Variants in ACOX1 observed in about 807,000 individuals in gnomAD.
ACOX1 encodes the protein peroxisomal acyl-coenzyme A oxidase 1.
In ACOX1, 41 loss-of-function variants were observed where a neutral mutation model predicts 75.5. The observed-to-expected ratio is 0.54, with a 90% confidence interval of 0.42 to 0.70. The LOEUF is 0.70. Ranked by LOEUF, ACOX1 falls within the 30% of genes least tolerant of loss-of-function variation. The pLI, the probability that ACOX1 is intolerant of heterozygous loss-of-function variation, is 0.00. For synonymous variants in ACOX1, 303 were observed against 298.8 expected, an observed-to-expected ratio of 1.01 and a Z score of -0.15; for missense variants, 630 against 837.5, an observed-to-expected ratio of 0.75 and a Z score of 3.06.
intron 2 of ACOX1, among the ~76,000 whole-genome samples, chr17:75,971,464 G>A (rs1210109413): frequency 6.6e-6 from 1 of 151,876 alleles, no homozygotes; most frequent in Non-Finnish European, 1.5e-5. Context: ...AGGGCAGGCC[G>A]GGCGTGGTGA....
intron 2 of ACOX1, among the ~76,000 whole-genome samples, chr17:75,965,337 C>CAAAAAAAAAAAAAAAAAAAAAAAAAA (rs11293371): frequency 3.7e-5 from 3 of 81,712 alleles, no homozygotes; most frequent in Admixed American, 1.4e-4. Context: ...GACTCTGTCT[C>CAAAAAAAAAAAAAAAAAAAAAAAAAA]AAAAAAAAAA....
At chr17:75,951,109 G>A (rs977985681) in intron 8 of ACOX1, 145 bp from the exon 9 acceptor site, 9 of 928,966 alleles carry the variant, frequency 9.7e-6, no homozygotes, top group African/African-American at 3.3e-5. Context: ...ACAGCTGTCC[G>A]ACTGGCCAGA....
At chr17:75,951,163 G>A (rs936233438) in intron 8 of ACOX1, among the ~76,000 whole-genome samples, 199 bp from the exon 9 acceptor site, 6 of 152,092 alleles carry the variant, frequency 3.9e-5, no homozygotes, top group Non-Finnish European at 7.4e-5. Context: ...TGTTCTACTT[G>A]GCTAAACATT....
chr17:75,952,675 CA>C (rs1292983168), intron 7 of ACOX1, among the ~76,000 whole-genome samples: 1 of 151,506 alleles, frequency 6.6e-6, no homozygotes, highest in Admixed American at 6.6e-5. Context: ...ACTAAAAATA[CA>C]AAAATTAGCT....
chr17:75,974,401 T>G (rs1373001195), intron 2 of ACOX1, among the ~76,000 whole-genome samples: 1 of 152,192 alleles, frequency 6.6e-6, no homozygotes, highest in African/African-American at 2.4e-5. Flanking sequence ...CAATGGTCAA[T>G]GAACATTACT....
At chr17:75,949,929 A>T in intron 9 of ACOX1, 32 bp from the exon 10 acceptor site, 1 of 1,612,078 alleles carries the variant, frequency 6.2e-7, no homozygotes, top group Non-Finnish European at 8.5e-7. Flanking sequence ...GCTTTTAGTA[A>T]CTCTACTTTC....
intron 2 of ACOX1, among the ~76,000 whole-genome samples, chr17:75,975,472 CTA>C (rs1165146154): frequency 2.0e-5 from 3 of 152,162 alleles, no homozygotes; most frequent in African/African-American, 7.2e-5. Context: ...ATTGTCTTTT[CTA>C]TCTTACATAA....
chr17:75,977,798 C>A lies in ACOX1; in HGVS notation c.269+736G>T, dbSNP rs369353068. Among the ~76,000 whole-genome samples, 17 of 152,236 alleles carry A rather than the reference C, an allele frequency of 1.1e-4. No individual in the cohort carries two copies. In the East Asian group the frequency reaches 1.2e-3, roughly 10 times the overall value. On this transcript the variant is annotated intron_variant, in intron 2 of 13. Coordinates refer to ENST00000293217, the MANE Select transcript of ACOX1 (RefSeq NM_004035.7). ...GGTCCACACTACCATATAATATAAT[C>A]TGCTATTGCTCCAAAATATTTAAAT...
In ACOX1 at chr17:75,978,079, T is replaced by C. The variant is rs559024416; in HGVS notation, c.269+455A>G. On this transcript the variant is annotated intron_variant, in intron 2 of 13. Transcript: ENST00000293217. This position sits in a 1 kb window ranked among gnomAD's most constrained non-coding sequence, Gnocchi z 4.2. The stretch of plus-strand genomic sequence containing the variant: ...GTGATCACATTATTTTTCACACATA[T>C]AACTTTATTTATTTATTTATTTATT... Among the ~76,000 whole-genome samples, 32 of 149,592 alleles carry C rather than the reference T, an allele frequency of 2.1e-4. No homozygotes were observed. Among genetic ancestry groups the C allele is most frequent in the African/African-American group, 7.1e-4 (28 of 39,478 alleles).
chr17:75,979,134 C>T lies in ACOX1; in HGVS notation c.-61G>A. ...CGAGGTGGCAGTGACAATCTAAATC[C>T]GCAGCTCCAGCGCCGGCCGGACCCT... On this transcript the variant is annotated 5_prime_UTR_variant, in exon 1 of 14. Transcript: ENST00000293217. 1.3e-6 allele frequency: 2 copies of T among 1,596,186 alleles called. No individual in the cohort carries two copies. Among genetic ancestry groups the T allele is most frequent in the Non-Finnish European group, 1.7e-6 (2 of 1,176,918 alleles).
Position 75,978,896 on chromosome 17 carries a change from C to T in ACOX1, c.109+69G>A. On this transcript the variant is annotated intron_variant, in intron 1 of 13. Transcript: ENST00000293217. This position sits in a 1 kb window ranked among gnomAD's most constrained non-coding sequence, Gnocchi z 4.2. ...AGAGGGCCTAGGCCCCACAGCGCCC[C>T]TGACTCCGCATCGAGGGAGTCTCCA... The T allele has an allele frequency of 6.2e-7, 1 of 1,602,342 alleles. No homozygotes were observed. The highest frequency in any genetic ancestry group is 8.5e-7 in the Non-Finnish European group (1 of 1,178,184).
chr17:75,959,855 T>C (rs925276504), intron 3 of ACOX1, among the ~76,000 whole-genome samples: 1 of 152,154 alleles, frequency 6.6e-6, no homozygotes, highest in Non-Finnish European at 1.5e-5. Context: ...AAGGTATCAG[T>C]AGTAAAGGTA....
chr17:75,971,349 A>G (rs1001880602), intron 2 of ACOX1, among the ~76,000 whole-genome samples: 5 of 152,150 alleles, frequency 3.3e-5, no homozygotes, highest in African/African-American at 1.2e-4. Context: ...AAACTCTAAC[A>G]AATGCAAACT....
At chr17:75,976,991 CTT>C (rs1019883355) in intron 2 of ACOX1, among the ~76,000 whole-genome samples, 52 of 78,876 alleles carry the variant, frequency 6.6e-4, no homozygotes, top group Non-Finnish European at 1.0e-3. Flanking sequence ...GCAAAAAAGT[CTT>C]TTTTTTTTTT....
At chr17:75,967,671 C>T (rs867060236) in intron 2 of ACOX1, among the ~76,000 whole-genome samples, 5 of 90,804 alleles carry the variant, frequency 5.5e-5, no homozygotes, top group African/African-American at 2.3e-4. Context: ...CATATATATA[C>T]ATATATATAC....
rs142709290 is a variant in ACOX1 at position 75,941,853 on chromosome 17, T to A, written c.*4895A>T. On this transcript the variant is annotated 3_prime_UTR_variant, in exon 14 of 14. Transcript: ENST00000293217. ...TGGAAATAAAAAGGCATTTATGAAG[T>A]GTAGTCCGCAGTCTGAATGTGGAAG... is the stretch of plus-strand genomic sequence containing the variant. 6.6e-6 allele frequency: 1 copy of A among 152,326 alleles called. No individual in the cohort carries two copies. Among genetic ancestry groups the A allele is most frequent in the African/African-American group, 2.4e-5 (1 of 41,580 alleles). 9.4% of individuals were successfully genotyped at this position (152,326 alleles called of 1,614,324 possible).
At chr17:75,973,696 T>C (rs1465083482) in intron 2 of ACOX1, 4 of 1,614,066 alleles carry the variant, frequency 2.5e-6, no homozygotes, top group South Asian at 1.1e-5. Flanking sequence ...CCATTTCTCT[T>C]TCTGAGCAGT....
At chr17:75,966,484 A>G (rs541622952) in intron 2 of ACOX1, among the ~76,000 whole-genome samples, 163 of 150,654 alleles carry the variant, frequency 1.1e-3, no homozygotes, top group African/African-American at 3.6e-3. Context: ...TAAAATAAAA[A>G]AATAAAAAAT....
chr17:75,953,073 A>G (rs2065789244), intron 7 of ACOX1, among the ~76,000 whole-genome samples: 1 of 152,156 alleles, frequency 6.6e-6, no homozygotes, highest in South Asian at 2.1e-4. Flanking sequence ...AGGGAAACAA[A>G]TTTAATGTCA....
Sources: allele counts gnomAD v4.1 joint callset (sites outside exome capture counted in the v4.1 genomes callset), GRCh38; gene constraint gnomAD v4.1.1; non-coding constraint Gnocchi (gnomAD v3.1); transcripts MANE v1.5; gene names NCBI Gene and HGNC (gene_info 2026-07-23, HGNC 2026-07-21).